Variants in TVP23A observed in about 807,000 individuals in gnomAD.
TVP23A encodes trans-golgi network vesicle protein 23 homolog A, also known as Golgi apparatus membrane protein TVP23 homolog A.
In TVP23A, 21 loss-of-function variants were observed where a neutral mutation model predicts 31.7. The ratio of observed to expected loss-of-function variants is 0.66; its 90% CI spans 0.47 to 0.95. The LOEUF (loss-of-function observed/expected upper bound fraction) is 0.95. Ranked by LOEUF, TVP23A falls within the 40% of genes least tolerant of loss-of-function variation. The pLI is 0.00. For synonymous variants in TVP23A, 104 were observed against 96.0 expected, an observed-to-expected ratio of 1.08 and a Z score of -0.49; for missense variants, 279 against 255.6, an observed-to-expected ratio of 1.09 and a Z score of -0.62.
At chr16:10,787,471 G>A (rs994940533) in intron 2 of TVP23A, among the ~76,000 whole-genome samples, 2 of 152,082 alleles carry the variant, frequency 1.3e-5, no homozygotes, top group Non-Finnish European at 2.9e-5. Context: ...CACGTGTACA[G>A]TAAGGGGCAG....
At chr16:10,793,009 C>A (rs2033190223) in intron 2 of TVP23A, among the ~76,000 whole-genome samples, 1 of 152,202 alleles carries the variant, frequency 6.6e-6, no homozygotes, top group Non-Finnish European at 1.5e-5. Flanking sequence ...ACATACCCAG[C>A]AGGGCATGGT....
chr16:10,811,808 G>A (rs2143005225), intron 2 of TVP23A, among the ~76,000 whole-genome samples: 1 of 150,952 alleles, frequency 6.6e-6, no homozygotes, highest in African/African-American at 2.4e-5. Flanking sequence ...GCAGGCTGAG[G>A]CAGGAGAATG....
At chr16:10,804,894 A>G (rs1567312123) in intron 2 of TVP23A, among the ~76,000 whole-genome samples, 2 of 152,008 alleles carry the variant, frequency 1.3e-5, no homozygotes, top group Non-Finnish European at 2.9e-5. Flanking sequence ...AAACATTTCC[A>G]TCACTCCAAA....
chr16:10,795,206 T>C (rs1037565138), intron 2 of TVP23A, among the ~76,000 whole-genome samples: 3 of 151,490 alleles, frequency 2.0e-5, no homozygotes, highest in African/African-American at 7.3e-5. Context: ...TGGGACAATT[T>C]GAGTAGCAAT....
chr16:10,800,102 AT>A (rs940530088), intron 2 of TVP23A, among the ~76,000 whole-genome samples: 46 of 138,694 alleles, frequency 3.3e-4, no homozygotes, highest in Middle Eastern at 3.8e-3. Flanking sequence ...ATTGAAAACA[AT>A]TTTTTTTTTT....
At chr16:10,775,922 T>C (rs1342134688) in intron 2 of TVP23A, among the ~76,000 whole-genome samples, 4 of 151,100 alleles carry the variant, frequency 2.6e-5, no homozygotes, top group African/African-American at 9.7e-5. Context: ...CTAATTTTTG[T>C]ACTTTGAGTA....
chr16:10,797,552 C>CAA (rs34439062), intron 2 of TVP23A, among the ~76,000 whole-genome samples: 20,829 of 138,150 alleles, frequency 0.15, 2,717 homozygotes, highest in African/African-American at 0.36. Context: ...AACTTCATCT[C>CAA]AAAAAAAAAA....
At chr16:10,791,089 A>G (rs2033078182) in intron 2 of TVP23A, among the ~76,000 whole-genome samples, 2 of 152,280 alleles carry the variant, frequency 1.3e-5, no homozygotes, top group Non-Finnish European at 1.5e-5. Flanking sequence ...TCTGGGAGAT[A>G]AAAAACTACC....
rs1407177293 is a variant in TVP23A, at chr16:10,818,187, G to A, written c.10-5C>T. 5 of 1,601,566 alleles carry A rather than the reference G, an allele frequency of 3.1e-6. No individual in the cohort carries two copies. Among genetic ancestry groups the A allele is most frequent in the African/African-American group, 1.3e-5 (1 of 74,656 alleles). ...CTCGGTATCGTCCACCAGGGCCTGG[G>A]AGGAGAGCAAGGGCAGGTGGCAGGC... On this transcript the variant is annotated splice_polypyrimidine_tract_variant and splice_region_variant and intron_variant, in intron 1 of 7. Coordinates refer to ENST00000299866, the MANE Select transcript of TVP23A (RefSeq NM_001079512.4). This position sits in a 1 kb window ranked among gnomAD's most constrained non-coding sequence, Gnocchi z 4.7.
At position 10,767,806 on chromosome 16, in the gene TVP23A, G is replaced by A. The variant is rs1481275891; in HGVS notation, c.*1296C>T. On this transcript the variant is annotated 3_prime_UTR_variant, in exon 8 of 8. Transcript: ENST00000299866. The surrounding 1 kb of genome is among the most constrained non-coding windows in gnomAD (Gnocchi z 4.6). The stretch of plus-strand genomic sequence containing the variant: ...AAGGAAGGTCCCTGAGACCCCACTG[G>A]TCTTTTCTACTTTGTTCTTCATTAC... The A allele has an allele frequency of 1.4e-6, 1 of 715,016 alleles. No homozygotes were observed. Among genetic ancestry groups the A allele is most frequent in the Non-Finnish European group, 2.4e-6 (1 of 422,050 alleles). 44.3% of individuals were successfully genotyped at this position (715,016 alleles called of 1,614,324 possible). A position where few individuals can be genotyped will look rare whatever the true frequency, so the allele number is the denominator to read the frequency against.
chr16:10,808,654 G>T (rs1001680319), intron 2 of TVP23A: 1 of 399,750 alleles, frequency 2.5e-6, no homozygotes, highest in South Asian at 1.8e-5. Context: ...GTGCATGCTT[G>T]TATTCCCAGC....
rs2034538961 is a variant in TVP23A, at chr16:10,818,420, C to T, written c.9+65G>A. 1.3e-6 allele frequency: 2 copies of T among 1,580,922 alleles called. No homozygotes were observed. The highest frequency in any genetic ancestry group is 1.7e-6 in the Non-Finnish European group (2 of 1,167,988). ...ATCCCTCCTCCTCCTCCCGGCTTCT[C>T]CAGCGCTCCCGCAGGCTCCCCTCGT... On this transcript the variant is annotated intron_variant, in intron 1 of 7. Transcript: ENST00000299866. This position sits in a 1 kb window ranked among gnomAD's most constrained non-coding sequence, Gnocchi z 4.7.
At chr16:10,781,640 A>G (rs2032429499) in intron 2 of TVP23A, among the ~76,000 whole-genome samples, 1 of 152,190 alleles carries the variant, frequency 6.6e-6, no homozygotes, top group African/African-American at 2.4e-5. Context: ...TTTCACAAAG[A>G]AAAAGCACAG....
intron 2 of TVP23A, among the ~76,000 whole-genome samples, chr16:10,815,232 C>A (rs11644545): frequency 0.083 from 12,611 of 152,040 alleles, 1,027 homozygotes; most frequent in East Asian, 0.23. Context: ...TCCATCTCTA[C>A]TAAAACAAAA....
At chr16:10,781,091 G>C (rs923053732) in intron 2 of TVP23A, among the ~76,000 whole-genome samples, 1 of 152,094 alleles carries the variant, frequency 6.6e-6, no homozygotes, top group Non-Finnish European at 1.5e-5. Context: ...CACTTTGGGA[G>C]GCAGAGGTGG....
intron 2 of TVP23A, among the ~76,000 whole-genome samples, chr16:10,781,850 C>CTTTTTTTTT (rs144933462): frequency 1.1e-5 from 1 of 90,936 alleles, no homozygotes; most frequent in Admixed American, 1.2e-4. Flanking sequence ...CTAACACAAT[C>CTTTTTTTTT]TTTTTTTTTT....
At chr16:10,803,501 C>T (rs560508547) in intron 2 of TVP23A, among the ~76,000 whole-genome samples, 8 of 152,130 alleles carry the variant, frequency 5.3e-5, no homozygotes, top group South Asian at 2.1e-4. Context: ...GGAGTGGTTT[C>T]GACCCAGTGT....
chr16:10,780,841 C>T lies in TVP23A; in HGVS notation c.90-5745G>A, dbSNP rs571945391. Among the ~76,000 whole-genome samples the T allele has an allele frequency of 4.6e-5, 7 of 152,210 alleles. No individual in the cohort carries two copies. The East Asian group carries it at 1.4e-3, about 29-fold the overall frequency. On this transcript the variant is annotated intron_variant, in intron 2 of 7. Transcript: ENST00000299866. ...GAAACAACGGTTCCACCACCAAGAG[C>T]CAAACTGTGAAATTCCCCCTCTGAC...
At chr16:10,784,634 C>T (rs1410608748) in intron 2 of TVP23A, among the ~76,000 whole-genome samples, 1 of 151,676 alleles carries the variant, frequency 6.6e-6, no homozygotes, top group Non-Finnish European at 1.5e-5. Flanking sequence ...AGAGTAAACC[C>T]TGATATAAAC....
Sources: allele counts gnomAD v4.1 joint callset (sites outside exome capture counted in the v4.1 genomes callset), GRCh38; gene constraint gnomAD v4.1.1; non-coding constraint Gnocchi (gnomAD v3.1); transcripts MANE v1.5; gene names NCBI Gene and HGNC (gene_info 2026-07-23, HGNC 2026-07-21).